The following PPP3CC variants were observed in gnomAD, a reference collection of about 807,000 sequenced individuals.
The protein encoded by PPP3CC is serine/threonine-protein phosphatase 2B catalytic subunit gamma isoform.
PPP3CC carries 35 observed loss-of-function variants against 60.3 expected under a neutral mutation model. The ratio of observed to expected loss-of-function variants is 0.58; its 90% CI spans 0.44 to 0.77. The LOEUF (loss-of-function observed/expected upper bound fraction) is 0.77. PPP3CC is among the 30% of genes least tolerant of loss of function. The pLI is 0.00. For missense variants in PPP3CC, 570 were observed against 628.9 expected, an observed-to-expected ratio of 0.91 and a Z score of 1.00; for synonymous variants, 206 against 224.3, an observed-to-expected ratio of 0.92 and a Z score of 0.73.
intron 5 of PPP3CC, among the ~76,000 whole-genome samples, chr8:22,511,654 G>A (rs996568908): frequency 2.0e-5 from 3 of 152,096 alleles, no homozygotes; most frequent in Admixed American, 2.0e-4. Flanking sequence ...TAAGAAAATG[G>A]AAGTTACCTC....
chr8:22,528,053 CAT>C (rs1839607041), intron 9 of PPP3CC, among the ~76,000 whole-genome samples: 1 of 152,136 alleles, frequency 6.6e-6, no homozygotes, highest in Non-Finnish European at 1.5e-5. Context: ...GTTAAAATAA[CAT>C]AGTTACTTGT....
chr8:22,500,601 T>C (rs1341002721), intron 4 of PPP3CC, among the ~76,000 whole-genome samples: 1 of 152,226 alleles, frequency 6.6e-6, no homozygotes, highest in Non-Finnish European at 1.5e-5. Flanking sequence ...CTCATATGAA[T>C]TCTTGCTACC....
chr8:22,533,522 A>T (rs1237638554), intron 12 of PPP3CC, among the ~76,000 whole-genome samples: 3 of 152,242 alleles, frequency 2.0e-5, no homozygotes, highest in Non-Finnish European at 4.4e-5. Context: ...TTCACAAATG[A>T]GGATATCAAA....
At chr8:22,491,355 CATATT>C (rs1211472948) in intron 3 of PPP3CC, among the ~76,000 whole-genome samples, 2 of 152,128 alleles carry the variant, frequency 1.3e-5, no homozygotes, top group Non-Finnish European at 2.9e-5. Context: ...GATTTTATCT[CATATT>C]ATAATACTTG....
chr8:22,512,438 G>A lies in PPP3CC; in HGVS notation c.631-855G>A, dbSNP rs71513887. ...CTTGGTTTTTATGCTTTCAACTAAAGCAGCAGTGACTAAAGGCTTAAGTTA... is the reference window on the plus strand; with the variant it reads ...CTTGGTTTTTATGCTTTCAACTAAAACAGCAGTGACTAAAGGCTTAAGTTA... On this transcript the variant is annotated intron_variant, in intron 5 of 13. Coordinates refer to ENST00000240139, the MANE Select transcript of PPP3CC (RefSeq NM_005605.5). Among the ~76,000 whole-genome samples, 1,232 of 152,126 alleles carry A rather than the reference G, an allele frequency of 8.1e-3. 8 individuals carry two copies. Among genetic ancestry groups the A allele is most frequent in the Non-Finnish European group, 0.012 (848 of 67,902 alleles).
chr8:22,452,727 T>C (rs1014739951), intron 1 of PPP3CC, among the ~76,000 whole-genome samples: 1 of 152,206 alleles, frequency 6.6e-6, no homozygotes, highest in Non-Finnish European at 1.5e-5. Flanking sequence ...TTTCTTTATG[T>C]GTAGAAGAGG....
Position 22,538,798 on chromosome 8 carries a change from A to G in PPP3CC, c.1322-671A>G, listed in dbSNP as rs146296432. Among the ~76,000 whole-genome samples, 572 of 152,348 alleles carry G rather than the reference A, an allele frequency of 3.8e-3. 1 individual carries two copies. The highest frequency in any genetic ancestry group is 8.9e-3 in the Admixed American group (136 of 15,296). On this transcript the variant is annotated intron_variant, in intron 12 of 13. Coordinates refer to ENST00000240139, the MANE Select transcript of PPP3CC (RefSeq NM_005605.5). ...CTCTTGAACACTGTATGGAAGCCAT[A>G]TGGATTGGAAACATTAGCCTCTGCT...
chr8:22,445,953 C>A (rs1836808336), intron 1 of PPP3CC, among the ~76,000 whole-genome samples: 1 of 152,040 alleles, frequency 6.6e-6, no homozygotes, highest in African/African-American at 2.4e-5. Context: ...TAATTTTTTT[C>A]TTTTTGAGCA....
At position 22,482,378 on chromosome 8, in the gene PPP3CC, GTTGT is replaced by G. The variant is rs1189885870; in HGVS notation, c.372+6761_372+6764del. Among the ~76,000 whole-genome samples the G allele has an allele frequency of 2.0e-5, 3 of 152,210 alleles. No homozygotes were observed. The East Asian group carries it at 5.8e-4, about 29-fold the overall frequency. On this transcript the variant is annotated intron_variant, in intron 3 of 13. Coordinates refer to ENST00000240139, the MANE Select transcript of PPP3CC (RefSeq NM_005605.5). ...TATCCTTTGCCCACTTTTTGATGGG[GTTGT>G]TTGTTTTTTTCTTGTAAATTTGTTT...
chr8:22,529,114 A>G (rs575291562), intron 10 of PPP3CC, among the ~76,000 whole-genome samples: 27 of 152,364 alleles, frequency 1.8e-4, no homozygotes, highest in African/African-American at 6.3e-4. Context: ...GTAGGGAGGA[A>G]AAACAGTAAA....
intron 4 of PPP3CC, among the ~76,000 whole-genome samples, chr8:22,504,690 C>G (rs966329238): frequency 1.3e-5 from 2 of 149,498 alleles, no homozygotes; most frequent in African/African-American, 4.9e-5. Context: ...GTGCCTGCCT[C>G]CCTCCCTCCT....
chr8:22,454,375 A>G (rs1837127201), intron 1 of PPP3CC, among the ~76,000 whole-genome samples: 1 of 152,200 alleles, frequency 6.6e-6, no homozygotes, highest in Non-Finnish European at 1.5e-5. Context: ...GTCACCTCCT[A>G]TGACAACAAT....
chr8:22,486,112 C>CTGGGTT (rs1451873316), intron 3 of PPP3CC, among the ~76,000 whole-genome samples: 8 of 152,142 alleles, frequency 5.3e-5, no homozygotes, highest in Admixed American at 1.3e-4. Context: ...TTCATATGAT[C>CTGGGTT]AACTTTCACA....
chr8:22,502,860 A>T (rs746045928), intron 4 of PPP3CC, among the ~76,000 whole-genome samples: 7 of 152,110 alleles, frequency 4.6e-5, no homozygotes, highest in Non-Finnish European at 8.8e-5. Flanking sequence ...AGGAGGACTT[A>T]GAGGGTTTTT....
At chr8:22,536,798 C>T (rs996267014) in intron 12 of PPP3CC, among the ~76,000 whole-genome samples, 1 of 152,176 alleles carries the variant, frequency 6.6e-6, no homozygotes, top group African/African-American at 2.4e-5. Context: ...TATAACTTAA[C>T]TTGGAGAGCT....
chr8:22,495,538 C>T (rs1032598998), intron 3 of PPP3CC, among the ~76,000 whole-genome samples: 3 of 151,694 alleles, frequency 2.0e-5, no homozygotes, highest in African/African-American at 4.8e-5. Context: ...TGTTTTTTTA[C>T]TATGCAAATT....
intron 5 of PPP3CC, among the ~76,000 whole-genome samples, chr8:22,511,652 TG>T (rs780147788): frequency 2.6e-5 from 4 of 152,176 alleles, no homozygotes; most frequent in Non-Finnish European, 5.9e-5. Flanking sequence ...AGTAAGAAAA[TG>T]GAAGTTACCT....
At chr8:22,538,763 C>T (rs1022285163) in intron 12 of PPP3CC, among the ~76,000 whole-genome samples, 1 of 152,226 alleles carries the variant, frequency 6.6e-6, no homozygotes, top group Non-Finnish European at 1.5e-5. Flanking sequence ...TTCTTAGTTA[C>T]TGGCCAACTC....
At chr8:22,531,868 A>G (rs988362719) in intron 10 of PPP3CC, among the ~76,000 whole-genome samples, 2 of 152,226 alleles carry the variant, frequency 1.3e-5, no homozygotes, top group Non-Finnish European at 2.9e-5. Flanking sequence ...GCATTATCAA[A>G]AGACATCTTT....
Sources: gnomAD v4.1 joint callset for allele counts (sites outside exome capture counted in the v4.1 genomes callset) on GRCh38, gnomAD v4.1.1 for gene constraint, MANE v1.5 for transcripts, NCBI Gene and HGNC (gene_info 2026-07-23, HGNC 2026-07-21) for gene names.